Variants in SMG1 observed in about 807,000 individuals in gnomAD.
SMG1 encodes serine/threonine-protein kinase SMG1.
Under a neutral mutation model 419.9 loss-of-function variants are expected in SMG1, and 22 were observed. That is an observed-to-expected ratio of 0.05 (90% confidence interval 0.04 to 0.07). The LOEUF (loss-of-function observed/expected upper bound fraction) is 0.07, where lower values mean the gene tolerates loss of function less well. SMG1 is among the 10% of genes least tolerant of loss of function. The pLI is 1.00. For synonymous variants in SMG1, 1,538 were observed against 1,553.5 expected (o/e 0.99, Z 0.23); for missense variants, 3,185 against 4,342.0 (o/e 0.73, Z 7.49).
chr16:18,811,246 G>A (rs1012265978), intron 62 of SMG1, among the ~76,000 whole-genome samples: 12 of 152,244 alleles, frequency 7.9e-5, no homozygotes, highest in Admixed American at 5.2e-4. Context: ...CACATAGCCT[G>A]AAGGTAATTT....
At chr16:18,879,209 G>C in intron 11 of SMG1, 2 of 418,846 alleles carry the variant, frequency 4.8e-6, no homozygotes, top group South Asian at 4.2e-5. Flanking sequence ...TCAAGTTCCT[G>C]GGCTTAATCG....
chr16:18,860,396 C>G (rs906799141), intron 26 of SMG1, among the ~76,000 whole-genome samples: 7 of 152,080 alleles, frequency 4.6e-5, no homozygotes, highest in Non-Finnish European at 1.0e-4. Flanking sequence ...AAATATTTAG[C>G]TGAAACACTA....
intron 31 of SMG1, among the ~76,000 whole-genome samples, chr16:18,852,948 G>A (rs752931685): frequency 1.6e-4 from 25 of 152,288 alleles, no homozygotes; most frequent in Non-Finnish European, 2.9e-4. Context: ...ACAAGATGAA[G>A]ATTTATAATG....
chr16:18,866,435 G>C (rs747216677), intron 23 of SMG1, 186 bp downstream of exon 23: 4 of 619,316 alleles, frequency 6.5e-6, no homozygotes, highest in Admixed American at 5.9e-5. Flanking sequence ...CAGTAAGAAA[G>C]GCACTCAAGT....
chr16:18,887,924 G>A (rs2036705607), intron 6 of SMG1, among the ~76,000 whole-genome samples: 1 of 151,298 alleles, frequency 6.6e-6, no homozygotes, highest in Admixed American at 6.6e-5. Context: ...CCAATACTTT[G>A]GGAGGCCGAG....
chr16:18,910,430 C>G (rs535781965), intron 1 of SMG1, among the ~76,000 whole-genome samples: 3 of 151,616 alleles, frequency 2.0e-5, no homozygotes, highest in Admixed American at 2.0e-4. Flanking sequence ...GGAGTTTCAC[C>G]AGGTTGGTCA....
intron 42 of SMG1, among the ~76,000 whole-genome samples, 164 bp from the exon 43 acceptor site, chr16:18,838,853 T>C (rs917007546): frequency 6.6e-6 from 1 of 152,252 alleles, no homozygotes; most frequent in African/African-American, 2.4e-5. Flanking sequence ...CATGTGGTTA[T>C]GCAGGCATAC....
intron 38 of SMG1, among the ~76,000 whole-genome samples, chr16:18,846,704 C>CA (rs2034286875): frequency 6.6e-6 from 1 of 152,010 alleles, no homozygotes; most frequent in African/African-American, 2.4e-5. Flanking sequence ...CAGCTATTAT[C>CA]AAAAAAAGAA....
intron 1 of SMG1, among the ~76,000 whole-genome samples, chr16:18,919,923 CCT>C (rs1032715024): frequency 2.0e-4 from 30 of 151,728 alleles, no homozygotes; most frequent in Middle Eastern, 3.4e-3. Flanking sequence ...ATGGCGAAAC[CCT>C]GTCTCTAATA....
At chr16:18,893,967 G>C (rs896860245) in intron 3 of SMG1, among the ~76,000 whole-genome samples, 1 of 151,886 alleles carries the variant, frequency 6.6e-6, no homozygotes, top group Non-Finnish European at 1.5e-5. Context: ...TGAGGCAGGA[G>C]AATCATTTTA....
At position 18,807,285 on chromosome 16, in the gene SMG1, G is replaced by T. The variant is rs1181052100; in HGVS notation, c.*2284C>A. On this transcript the variant is annotated 3_prime_UTR_variant, in exon 63 of 63. Transcript: ENST00000446231. ...TGCGATAAAAGTTTTTCCTTATGATGACAATAAAGAATGTTGCTGAAAGAC... is the reference window on the plus strand; with the variant it reads ...TGCGATAAAAGTTTTTCCTTATGATTACAATAAAGAATGTTGCTGAAAGAC... 2 of 152,214 alleles carry T rather than the reference G, an allele frequency of 1.3e-5. No individual in the cohort carries two copies. The highest frequency in any genetic ancestry group is 2.4e-5 in the African/African-American group (1 of 41,552). The allele number at this position is 152,214 out of a possible 1,614,324, so 9.4% of individuals were successfully genotyped here. A position where few individuals can be genotyped will look rare whatever the true frequency, so the allele number is the denominator to read the frequency against.
Position 18,834,197 on chromosome 16 carries a change from T to G in SMG1, c.8565+7A>C. On this transcript the variant is annotated splice_region_variant and intron_variant, in intron 50 of 62. Transcript: ENST00000446231. ...AACAAACTAATATTTAAAATAAAAG[T>G]GTTCACCTGAAGTGAGGTATACACT... The G allele has an allele frequency of 6.5e-7, 1 of 1,550,342 alleles. No individual in the cohort carries two copies. Among genetic ancestry groups the G allele is most frequent in the African/African-American group, 1.4e-5 (1 of 73,254 alleles).
chr16:18,828,255 C>A, intron 54 of SMG1, 87 bp from the exon 55 acceptor site: 5 of 1,328,336 alleles, frequency 3.8e-6, no homozygotes, highest in South Asian at 3.0e-5. Flanking sequence ...CTAGGACTGG[C>A]GGAAGAGAAA....
chr16:18,836,260 G>A lies in SMG1; in HGVS notation c.7778-48C>T, dbSNP rs548322466. 5.0e-6 allele frequency: 8 copies of A among 1,594,522 alleles called. No individual in the cohort carries two copies. The Admixed American group carries it at 6.9e-5, about 14-fold the overall frequency. The stretch of plus-strand genomic sequence containing the variant: ...AACACAGTAAAACAGGGTCAAGTCA[G>A]CTGTCACTAAAAGCAAGCACAAACC... On this transcript the variant is annotated intron_variant, in intron 47 of 62. Transcript: ENST00000446231.
At chr16:18,864,208 T>G in intron 23 of SMG1, 64 bp from the exon 24 acceptor site, 2 of 1,370,106 alleles carry the variant, frequency 1.5e-6, no homozygotes, top group Admixed American at 2.9e-5. Context: ...TTTTTTTTTT[T>G]TTTTGTGATG....
intron 48 of SMG1, among the ~76,000 whole-genome samples, chr16:18,835,457 C>T (rs751959824): frequency 1.3e-5 from 2 of 151,748 alleles, no homozygotes; most frequent in Admixed American, 6.6e-5. Flanking sequence ...CTGGGCAACA[C>T]GGCGAAACTC....
At chr16:18,847,309 G>T in intron 38 of SMG1, 144 bp downstream of exon 38, 1 of 801,990 alleles carries the variant, frequency 1.2e-6, no homozygotes. Flanking sequence ...GAAATGGACC[G>T]TGGTGATGGT....
chr16:18,853,439 T>C (rs1223982822), intron 31 of SMG1, 144 bp downstream of exon 31: 24 of 772,996 alleles, frequency 3.1e-5, no homozygotes, highest in Non-Finnish European at 3.9e-5. Flanking sequence ...TATGTTTTAG[T>C]TATTTCCCAA....
intron 9 of SMG1, 39 bp from the exon 10 acceptor site, chr16:18,882,377 T>C (rs1407243135): frequency 2.5e-6 from 3 of 1,192,568 alleles, no homozygotes; most frequent in Non-Finnish European, 3.4e-6. Context: ...AAGTAGTACA[T>C]TGTTTTAAAT....
Sources: gnomAD v4.1 joint callset for allele counts (sites outside exome capture counted in the v4.1 genomes callset) on GRCh38, gnomAD v4.1.1 for gene constraint, MANE v1.5 for transcripts, NCBI Gene and HGNC (gene_info 2026-07-23, HGNC 2026-07-21) for gene names.